NUP160: variants seen among roughly 807,000 people sequenced by gnomAD.
NUP160 encodes nucleoporin 160.
Under a neutral mutation model 196.9 loss-of-function variants are expected in NUP160, and 94 were observed. That is an observed-to-expected ratio of 0.48 (90% CI 0.40 to 0.57). The LOEUF is 0.57. Among genes scored for constraint, NUP160 ranks in the 20% least tolerant of loss-of-function variants. The probability of loss-of-function intolerance (pLI) is 0.00; values close to 1 mark genes in which losing one functional copy is unlikely to be tolerated. For synonymous variants in NUP160, 605 were observed against 619.7 expected (o/e 0.98, Z 0.35); for missense variants, 1,638 against 1,748.3 (o/e 0.94, Z 1.13).
intron 9 of NUP160, among the ~76,000 whole-genome samples, chr11:47,820,454 C>T (rs922783999): frequency 1.3e-5 from 2 of 152,162 alleles, no homozygotes; most frequent in African/African-American, 4.8e-5. Flanking sequence ...ATTCATAGCT[C>T]ACTGAAGCCT....
chr11:47,827,363 C>CAA (rs59609032), intron 7 of NUP160, among the ~76,000 whole-genome samples: 149 of 87,312 alleles, frequency 1.7e-3, no homozygotes, highest in African/African-American at 1.7e-3. Flanking sequence ...GACACTGTCT[C>CAA]AAAAAAAAAA....
chr11:47,827,196 T>C (rs574991642), intron 7 of NUP160: 1 of 454,314 alleles, frequency 2.2e-6, no homozygotes, highest in East Asian at 7.0e-5. Flanking sequence ...ACCCCGTCTC[T>C]ACCAAAAATA....
At chr11:47,800,234 C>A (rs2097673402) in intron 23 of NUP160, among the ~76,000 whole-genome samples, 2 of 146,174 alleles carry the variant, frequency 1.4e-5, no homozygotes, top group East Asian at 4.1e-4. Context: ...GCAACAGACT[C>A]CGTCTCAAAA....
chr11:47,780,646 T>C (rs1345027136), intron 34 of NUP160, among the ~76,000 whole-genome samples, 199 bp from the exon 35 acceptor site: 1 of 151,728 alleles, frequency 6.6e-6, no homozygotes, highest in African/African-American at 2.4e-5. Flanking sequence ...AAGCAATTCT[T>C]GTGCCTCAGC....
intron 13 of NUP160, among the ~76,000 whole-genome samples, chr11:47,813,627 C>G (rs548305131): frequency 6.7e-6 from 1 of 150,342 alleles, no homozygotes; most frequent in South Asian, 2.1e-4. Flanking sequence ...CCAAGGAGTT[C>G]AAGACCAGCC....
intron 4 of NUP160, 110 bp from the exon 5 acceptor site, chr11:47,837,733 T>G: frequency 2.6e-6 from 2 of 759,820 alleles, no homozygotes; most frequent in Non-Finnish European, 4.6e-6. Flanking sequence ...TCCGTATTTC[T>G]GTACTAACAA....
At chr11:47,822,024 CAG>C in intron 8 of NUP160, 61 bp downstream of exon 8, 6 of 1,136,730 alleles carry the variant, frequency 5.3e-6, no homozygotes, top group South Asian at 4.0e-5. Flanking sequence ...TATACCATAA[CAG>C]AGTTAGTCAA....
intron 17 of NUP160, among the ~76,000 whole-genome samples, chr11:47,809,317 C>T (rs2097679679): frequency 1.4e-5 from 2 of 147,140 alleles, no homozygotes; most frequent in Admixed American, 6.8e-5. Flanking sequence ...CTCTCATATA[C>T]TGCTGGTGCT....
chr11:47,806,081 T>C, intron 20 of NUP160, 72 bp downstream of exon 20: 1 of 1,435,366 alleles, frequency 7.0e-7, no homozygotes, highest in Non-Finnish European at 9.8e-7. Flanking sequence ...CCCAAAGTGC[T>C]GGGATTACAG....
chr11:47,837,679 A>G, intron 4 of NUP160, 56 bp from the exon 5 acceptor site: 1 of 1,331,754 alleles, frequency 7.5e-7, no homozygotes, highest in Non-Finnish European at 1.1e-6. Flanking sequence ...CAAAGGCAAG[A>G]ATGATGTAAC....
chr11:47,807,176 C>A (rs773555214), intron 18 of NUP160, 36 bp from the exon 19 acceptor site: 15 of 1,302,196 alleles, frequency 1.2e-5, no homozygotes, highest in Non-Finnish European at 1.7e-5. Flanking sequence ...TTAGTAAATT[C>A]TCCTATGCTA....
At chr11:47,821,986 T>C in intron 8 of NUP160, 101 bp downstream of exon 8, 2 of 990,416 alleles carry the variant, frequency 2.0e-6, no homozygotes, top group African/African-American at 1.6e-5. Context: ...TATCATGAAA[T>C]AATTCCATTT....
chr11:47,821,438 A>G (rs1240060079), intron 9 of NUP160: 6 of 287,056 alleles, frequency 2.1e-5, no homozygotes, highest in Non-Finnish European at 3.8e-5. Context: ...GCTCACTGCA[A>G]TCTCCGCCTC....
intron 23 of NUP160, among the ~76,000 whole-genome samples, chr11:47,799,001 A>G (rs1157776892): frequency 6.6e-6 from 1 of 152,044 alleles, no homozygotes; most frequent in Non-Finnish European, 1.5e-5. Context: ...TTCACTACTA[A>G]CTGTTCAAGT....
Position 47,833,975 on chromosome 11 carries a change from T to C in NUP160, c.1101+1676A>G, listed in dbSNP as rs117616715. On this transcript the variant is annotated intron_variant, in intron 7 of 35. Coordinates refer to ENST00000378460, the Ensembl canonical transcript of NUP160. ...CACTTTGCTTTGTATCTTTTCACTGTAATACATTTTAGCTGTCAGCACAAC... is the reference window on the plus strand; with the variant it reads ...CACTTTGCTTTGTATCTTTTCACTGCAATACATTTTAGCTGTCAGCACAAC... Among the ~76,000 whole-genome samples the C allele has an allele frequency of 9.5e-3, 1,445 of 152,350 alleles. 11 individuals carry two copies. Among genetic ancestry groups the C allele is most frequent in the Middle Eastern group, 0.031 (9 of 294 alleles).
chr11:47,782,798 A>C (rs1053158983), intron 34 of NUP160, among the ~76,000 whole-genome samples: 6 of 152,042 alleles, frequency 3.9e-5, no homozygotes, highest in African/African-American at 1.4e-4. Flanking sequence ...AGCTGGGATT[A>C]CAGGTACGTG....
At chr11:47,818,168 A>C in intron 10 of NUP160, 44 bp from the exon 11 acceptor site, 1 of 1,371,824 alleles carries the variant, frequency 7.3e-7, no homozygotes, top group Non-Finnish European at 1.0e-6. Context: ...CCTAAACAAA[A>C]TTTGGAATTC....
In NUP160 at chr11:47,813,020, C is replaced by CAT. The variant is rs770455447; in HGVS notation, c.1812_1813dup (p.Cys605TyrfsTer4). The CAT allele has an allele frequency of 1.9e-6, 3 of 1,610,806 alleles. No individual in the cohort carries two copies. In the African/African-American group the frequency reaches 4.0e-5, roughly 22 times the overall value. On this transcript the variant is annotated frameshift_variant, in exon 15 of 36. Coordinates refer to ENST00000378460, the Ensembl canonical transcript of NUP160. LOFTEE classifies it high-confidence loss of function. ...AATCAGCCGGAGGCATTTTATAAGA[C>CAT]ATATGACATCCCGAGCGATGTCCAC...
chr11:47,813,330 G>A (rs1336648505), exon 14 of NUP160: 1 of 1,596,190 alleles, frequency 6.3e-7, no homozygotes, highest in East Asian at 2.2e-5. Context: ...AGATATGGTT[G>A]TCTCATCTTC....
Sources: gnomAD v4.1 joint callset for allele counts (sites outside exome capture counted in the v4.1 genomes callset) on GRCh38, gnomAD v4.1.1 for gene constraint, MANE v1.5 for transcripts, NCBI Gene and HGNC (gene_info 2026-07-23, HGNC 2026-07-21) for gene names.